The following PRPF18 variants were observed in gnomAD, a reference collection of about 807,000 sequenced individuals.
The protein encoded by PRPF18 is pre-mRNA-splicing factor 18.
A neutral mutation model predicts 46.5 loss-of-function variants in PRPF18; 38 were observed. That is an observed-to-expected ratio of 0.82 (90% confidence interval 0.63 to 1.07). The LOEUF (loss-of-function observed/expected upper bound fraction) is 1.07, where lower values mean the gene tolerates loss of function less well. PRPF18 is among the 50% of genes least tolerant of loss of function. PRPF18 has a pLI of 0.00. For synonymous variants in PRPF18, 152 were observed against 146.7 expected, an observed-to-expected ratio of 1.04 and a Z score of -0.26; for missense variants, 263 against 410.0, an observed-to-expected ratio of 0.64 and a Z score of 3.10.
chr10:13,618,119 G>A (rs901072420), intron 9 of PRPF18, among the ~76,000 whole-genome samples: 4 of 152,146 alleles, frequency 2.6e-5, no homozygotes, highest in African/African-American at 7.2e-5. Context: ...TGGCTATACC[G>A]AAGGATGGGT....
chr10:13,603,579 C>T (rs929807547), intron 3 of PRPF18, among the ~76,000 whole-genome samples: 3 of 152,032 alleles, frequency 2.0e-5, no homozygotes, highest in African/African-American at 4.8e-5. Context: ...TTTTTTCTGT[C>T]GAGGTTGTTT....
chr10:13,632,411 G>GT (rs1413300341), downstream of PRPF18: 1 of 152,094 alleles, frequency 6.6e-6, no homozygotes, highest in Non-Finnish European at 1.5e-5. Context: ...ACAGACTTTC[G>GT]TAAGATATGA....
At chr10:13,654,948 G>C in the PRPF18 span, 1 of 172,822 alleles carries the variant, frequency 5.8e-6, no homozygotes, top group African/African-American at 2.4e-5. Context: ...GTGTGGCCCT[G>C]TTATGAAATT....
At chr10:13,599,944 A>G (rs1424610627) in intron 2 of PRPF18, among the ~76,000 whole-genome samples, 1 of 152,202 alleles carries the variant, frequency 6.6e-6, no homozygotes, top group Non-Finnish European at 1.5e-5. Flanking sequence ...GGGGAGAAAG[A>G]GAGTGCAAAT....
chr10:13,595,083 A>G (rs2080014478), intron 1 of PRPF18, among the ~76,000 whole-genome samples: 1 of 152,256 alleles, frequency 6.6e-6, no homozygotes, highest in African/African-American at 2.4e-5. Flanking sequence ...GGTGAAGAAT[A>G]CAGTTTGAAG....
At chr10:13,654,187 C>T in the PRPF18 span, 2 of 578,528 alleles carry the variant, frequency 3.5e-6, no homozygotes, top group African/African-American at 1.9e-5. Context: ...TCCCAAGGAC[C>T]ACCGCCTACT....
At chr10:13,654,108 G>A in the PRPF18 span, 444 of 519,206 alleles carry the variant, frequency 8.6e-4, 2 homozygotes, top group African/African-American at 7.2e-3. Flanking sequence ...AATCCAAACC[G>A]AAATGAAATG....
chr10:13,610,535 G>A (rs1056275703), intron 5 of PRPF18, among the ~76,000 whole-genome samples: 1 of 152,040 alleles, frequency 6.6e-6, no homozygotes, highest in Non-Finnish European at 1.5e-5. Context: ...TTTTCAGTTA[G>A]CACTATGTTT....
downstream of PRPF18, among the ~76,000 whole-genome samples, chr10:13,633,251 C>G (rs1728332147): frequency 6.6e-6 from 1 of 152,198 alleles, no homozygotes; most frequent in Admixed American, 6.5e-5. Flanking sequence ...AAGAATGGAA[C>G]TTAGTGATCT....
rs530516777 is a variant in PRPF18 at position 13,617,374 on chromosome 10, T to G, written c.948+821T>G. Among the ~76,000 whole-genome samples, 12 of 152,364 alleles carry G rather than the reference T, an allele frequency of 7.9e-5. No individual in the cohort carries two copies. In the East Asian group the frequency reaches 2.3e-3, roughly 29 times the overall value. ...TCACTTCCAAGTGCTGAATGTTAATTCGTGTCATGCTTTATGCCTTAGTCA... is the reference window on the plus strand; with the variant it reads ...TCACTTCCAAGTGCTGAATGTTAATGCGTGTCATGCTTTATGCCTTAGTCA... On this transcript the variant is annotated intron_variant, in intron 9 of 9. Coordinates refer to ENST00000378572, the MANE Select transcript of PRPF18 (RefSeq NM_003675.4).
At chr10:13,587,273 C>T (rs2079887688) in intron 1 of PRPF18, 121 bp downstream of exon 1, 18 of 1,045,812 alleles carry the variant, frequency 1.7e-5, no homozygotes, top group Non-Finnish European at 2.5e-5. Context: ...AGCGAGTGTC[C>T]TGCCACTACC....
intron 5 of PRPF18, 75 bp downstream of exon 5, chr10:13,610,260 G>T (rs1022761157): frequency 1.3e-6 from 2 of 1,490,162 alleles, no homozygotes; most frequent in African/African-American, 2.8e-5. Context: ...GAGTCGGGCA[G>T]ATTGTTGAGG....
At chr10:13,650,417 A>T in the PRPF18 span, among the ~76,000 whole-genome samples, 1 of 150,426 alleles carries the variant, frequency 6.6e-6, no homozygotes, top group African/African-American at 2.5e-5. Flanking sequence ...CATGAGCATG[A>T]ACTCGTGTAT....
downstream of PRPF18, among the ~76,000 whole-genome samples, chr10:13,632,344 C>T (rs1350825001): frequency 6.6e-6 from 1 of 151,832 alleles, no homozygotes; most frequent in Non-Finnish European, 1.5e-5. Context: ...CTGTCCCCTC[C>T]CCCCCGCAAA....
intron 4 of PRPF18, among the ~76,000 whole-genome samples, chr10:13,606,066 G>C (rs528828615): frequency 6.6e-6 from 1 of 152,074 alleles, no homozygotes; most frequent in Admixed American, 6.5e-5. Context: ...GGGATGATCT[G>C]TGAAGTAAAC....
At chr10:13,620,402 T>C (rs1441431107) in intron 9 of PRPF18, among the ~76,000 whole-genome samples, 6 of 152,244 alleles carry the variant, frequency 3.9e-5, no homozygotes, top group Non-Finnish European at 8.8e-5. Context: ...TTAATAATTA[T>C]TTCTTTTTAA....
At chr10:13,647,559 T>C in the PRPF18 span, 1 of 152,140 alleles carries the variant, frequency 6.6e-6, no homozygotes, top group Admixed American at 6.5e-5. Flanking sequence ...TGGAAGAACA[T>C]TCAAAATGTG....
Position 13,614,005 on chromosome 10 carries a change from T to G in PRPF18, c.721-10T>G. 1 of 1,569,394 alleles carries G rather than the reference T, an allele frequency of 6.4e-7. No individual in the cohort carries two copies. Among genetic ancestry groups the G allele is most frequent in the Non-Finnish European group, 8.7e-7 (1 of 1,155,128 alleles). On this transcript the variant is annotated splice_polypyrimidine_tract_variant and intron_variant, in intron 7 of 9. Coordinates refer to ENST00000378572, the MANE Select transcript of PRPF18 (RefSeq NM_003675.4). ...AGTAGCTTCCAAAATTTCTTATTTA[T>G]TTTTTTCAGAATCTTCCTGCTGATA... is the stretch of plus-strand genomic sequence containing the variant.
chr10:13,605,120 G>C (rs2080164814), intron 3 of PRPF18, among the ~76,000 whole-genome samples: 1 of 152,044 alleles, frequency 6.6e-6, no homozygotes, highest in Admixed American at 6.5e-5. Flanking sequence ...TTTTCTCTTT[G>C]ATTTGGAAAC....
Sources: gnomAD v4.1 joint callset for allele counts (sites outside exome capture counted in the v4.1 genomes callset) on GRCh38, gnomAD v4.1.1 for gene constraint, MANE v1.5 for transcripts, NCBI Gene and HGNC (gene_info 2026-07-23, HGNC 2026-07-21) for gene names.